MACROD1: variants seen among roughly 807,000 people sequenced by gnomAD.
MACROD1 encodes the protein mono-ADP ribosylhydrolase 1, also known as ADP-ribose glycohydrolase MACROD1.
MACROD1 carries 31 observed loss-of-function variants against 41.4 expected under a neutral mutation model. The observed-to-expected ratio is 0.75, with a 90% CI of 0.56 to 1.01. The LOEUF is 1.01. MACROD1 is among the 50% of genes least tolerant of loss of function. MACROD1 has a pLI of 0.00. For missense variants in MACROD1, 473 were observed against 460.0 expected (o/e 1.03, Z -0.26); for synonymous variants, 252 against 203.4 (o/e 1.24, Z -2.03).
At chr11:64,111,721 G>A (rs1944866230) in intron 3 of MACROD1, among the ~76,000 whole-genome samples, 1 of 152,200 alleles carries the variant, frequency 6.6e-6, no homozygotes, top group Admixed American at 6.5e-5. Flanking sequence ...TCCTCTGAAG[G>A]CTGATGTGTC....
chr11:63,999,062 G>A, intron 8 of MACROD1, 26 bp from the exon 9 acceptor site: 1 of 1,577,970 alleles, frequency 6.3e-7, no homozygotes, highest in South Asian at 1.2e-5. Context: ...CTCAGCCTGG[G>A]CCGAGCTGCC....
intron 3 of MACROD1, among the ~76,000 whole-genome samples, chr11:64,150,572 C>A (rs975097505): frequency 6.6e-6 from 1 of 152,224 alleles, no homozygotes; most frequent in Non-Finnish European, 1.5e-5. Flanking sequence ...GTTCCACAAG[C>A]CACCTGCTCG....
chr11:64,117,902 T>G (rs770731645), intron 3 of MACROD1: 2 of 1,613,922 alleles, frequency 1.2e-6, no homozygotes, highest in South Asian at 2.2e-5. Flanking sequence ...AGCAGAACGC[T>G]GGCCCCATGG....
intron 1 of MACROD1, among the ~76,000 whole-genome samples, chr11:64,164,386 G>A (rs1371468497): frequency 2.0e-5 from 3 of 152,228 alleles, no homozygotes; most frequent in Non-Finnish European, 4.4e-5. Flanking sequence ...TCGAGCAGGT[G>A]CCTGGGCACC....
intron 3 of MACROD1, among the ~76,000 whole-genome samples, chr11:64,046,269 C>A (rs1456320419): frequency 1.3e-5 from 2 of 152,166 alleles, no homozygotes; most frequent in Non-Finnish European, 2.9e-5. Flanking sequence ...GGGACAGGGG[C>A]CACCTCCTGC....
chr11:64,165,725 G>T lies in MACROD1; in HGVS notation c.270C>A (p.Ser90Arg). The T allele has an allele frequency of 6.7e-7, 1 of 1,488,324 alleles. No homozygotes were observed. The highest frequency in any genetic ancestry group is 8.9e-7 in the Non-Finnish European group (1 of 1,120,876). The allele number at this position is 1,488,324 out of a possible 1,614,324, so 92.2% of individuals were successfully genotyped here. The stretch of plus-strand genomic sequence containing the variant: ...TCGCCTCCTTCCAGTCGGTGGAGGT[G>T]CTCAGGTCCACCTTCGCCGCCATGG... Reference protein sequence around the residue: ...PLAMAAKVDLSTSTDWKEAKS... With the variant: ...PLAMAAKVDLRTSTDWKEAKS... Residue 90 changes from serine (S) to arginine (R), a missense_variant, in exon 1 of 11, where the codon AGC becomes AGA. Physicochemically the swap from Ser to Arg is moderately radical, Grantham distance 110. Coordinates refer to ENST00000255681, the MANE Select transcript of MACROD1 (RefSeq NM_014067.4).
At chr11:64,098,206 C>G (rs1944611843) in intron 3 of MACROD1, among the ~76,000 whole-genome samples, 1 of 152,208 alleles carries the variant, frequency 6.6e-6, no homozygotes, top group Non-Finnish European at 1.5e-5. Flanking sequence ...TCACAGCCTC[C>G]CCCCTGCCCT....
chr11:64,053,278 T>C (rs1943727428), intron 3 of MACROD1, among the ~76,000 whole-genome samples: 1 of 152,028 alleles, frequency 6.6e-6, no homozygotes, highest in Non-Finnish European at 1.5e-5. Flanking sequence ...CGTTAGGAGG[T>C]AGTTTTCCTG....
At chr11:64,054,867 C>A (rs968775266) in intron 3 of MACROD1, among the ~76,000 whole-genome samples, 2 of 152,038 alleles carry the variant, frequency 1.3e-5, no homozygotes, top group Admixed American at 6.6e-5. Flanking sequence ...GGAATTCTAG[C>A]ATCTCCCGTG....
chr11:64,000,780 C>A (rs1309995224), intron 4 of MACROD1, among the ~76,000 whole-genome samples: 2 of 152,200 alleles, frequency 1.3e-5, no homozygotes, highest in Non-Finnish European at 2.9e-5. Context: ...GCTGCCTCCG[C>A]CCGGGCCTCA....
chr11:64,063,582 C>T (rs1016612816), intron 3 of MACROD1, among the ~76,000 whole-genome samples: 6 of 152,194 alleles, frequency 3.9e-5, no homozygotes, highest in Admixed American at 6.5e-5. Context: ...GCCTCTTCCC[C>T]GGCGTCTCTT....
At chr11:64,145,163 C>A (rs924073726) in intron 3 of MACROD1, among the ~76,000 whole-genome samples, 1 of 152,190 alleles carries the variant, frequency 6.6e-6, no homozygotes, top group Admixed American at 6.5e-5. Context: ...AGATAGAGCG[C>A]CACTTCATGA....
At chr11:64,134,045 C>G (rs968788569) in intron 3 of MACROD1, among the ~76,000 whole-genome samples, 1 of 152,166 alleles carries the variant, frequency 6.6e-6, no homozygotes, top group African/African-American at 2.4e-5. Context: ...CCAAAGTCAC[C>G]CAACCCGGCT....
chr11:63,998,589 G>A lies in MACROD1; in HGVS notation c.*129C>T. ...AACGAGATCTTTATTAGGCTCCTCG[G>A]GGGCGGGGCGCGGAGGGAAAGAAGG... On this transcript the variant is annotated 3_prime_UTR_variant, in exon 11 of 11. Coordinates refer to ENST00000255681, the MANE Select transcript of MACROD1 (RefSeq NM_014067.4). The A allele has an allele frequency of 4.0e-6, 5 of 1,264,452 alleles. No individual in the cohort carries two copies. Among genetic ancestry groups the A allele is most frequent in the Non-Finnish European group, 5.0e-6 (5 of 1,002,172 alleles). The allele number at this position is 1,264,452 out of a possible 1,614,324, so 78.3% of individuals were successfully genotyped here. A position where few individuals can be genotyped will look rare whatever the true frequency, so the allele number is the denominator to read the frequency against.
At chr11:64,084,398 G>C (rs1032251112) in intron 3 of MACROD1, among the ~76,000 whole-genome samples, 1 of 152,168 alleles carries the variant, frequency 6.6e-6, no homozygotes, top group African/African-American at 2.4e-5. Context: ...CCCGCTGCCT[G>C]AGCTGCCTAC....
At chr11:64,012,405 C>CT (rs33975069) in intron 4 of MACROD1, among the ~76,000 whole-genome samples, 38,138 of 146,230 alleles carry the variant, frequency 0.26, 7,829 homozygotes, top group African/African-American at 0.59. Flanking sequence ...ATTCAATAAA[C>CT]TTTTTTTTTT....
intron 3 of MACROD1, among the ~76,000 whole-genome samples, chr11:64,030,935 A>AG (rs1193643120): frequency 6.6e-6 from 1 of 150,408 alleles, no homozygotes; most frequent in Middle Eastern, 3.2e-3. Context: ...GGGGTTAGGG[A>AG]GGCCTTTCTG....
At chr11:64,030,643 T>C (rs1943282174) in intron 3 of MACROD1, among the ~76,000 whole-genome samples, 1 of 152,162 alleles carries the variant, frequency 6.6e-6, no homozygotes, top group Non-Finnish European at 1.5e-5. Context: ...GATGTGGACA[T>C]GTTGGCCGGT....
intron 4 of MACROD1, among the ~76,000 whole-genome samples, chr11:64,008,295 G>GA (rs1410274510): frequency 6.6e-6 from 1 of 152,092 alleles, no homozygotes; most frequent in Non-Finnish European, 1.5e-5. Flanking sequence ...GGTTGTGGGG[G>GA]AGAGCGCTCG....
Sources: gnomAD v4.1 joint callset for allele counts (sites outside exome capture counted in the v4.1 genomes callset) on GRCh38, gnomAD v4.1.1 for gene constraint, MANE v1.5 for transcripts, NCBI Gene and HGNC (gene_info 2026-07-23, HGNC 2026-07-21) for gene names.